The following CNTN1 variants were observed in gnomAD, a reference collection of about 807,000 sequenced individuals.
CNTN1 encodes the protein contactin 1, also known as contactin-1.
CNTN1 carries 38 observed loss-of-function variants against 126.4 expected under a neutral mutation model. The observed-to-expected ratio is 0.30, with a 90% CI of 0.23 to 0.39. The LOEUF is 0.39. Ranked by LOEUF, CNTN1 falls within the 10% of genes least tolerant of loss-of-function variation. The pLI, the probability that CNTN1 is intolerant of heterozygous loss-of-function variation, is 1.00. For missense variants in CNTN1, 1,009 were observed against 1,248.4 expected (o/e 0.81, Z 2.89); for synonymous variants, 413 against 422.6 (o/e 0.98, Z 0.28).
Position 40,906,669 on chromosome 12 carries a change from C to CTTTTTTTTTTTTTTTTTT in CNTN1, c.-76-1679_-76-1678insTTTTTTTTTTTTTTTTTT, listed in dbSNP as rs111442544. On this transcript the variant is annotated intron_variant, in intron 1 of 23. Transcript: ENST00000551295. ...TTTCCTTTTAAAATTGTTTTTCATG[C>CTTTTTTTTTTTTTTTTTT]TTTTTTTTTGTTTTGTTTTTTTTGA... 3.9e-4 allele frequency among the ~76,000 whole-genome samples: 42 copies of CTTTTTTTTTTTTTTTTTT among 107,190 alleles called. 3 individuals are homozygous for CTTTTTTTTTTTTTTTTTT. Among genetic ancestry groups the CTTTTTTTTTTTTTTTTTT allele is most frequent in the Admixed American group, 4.2e-4 (4 of 9,440 alleles). The allele number at this position is 107,190 out of a possible 152,430, so 70.3% of individuals were successfully genotyped here.
intron 1 of CNTN1, among the ~76,000 whole-genome samples, chr12:40,752,990 T>A (rs1364660149): frequency 6.6e-6 from 1 of 152,072 alleles, no homozygotes; most frequent in Non-Finnish European, 1.5e-5. Context: ...ATTACCAGAG[T>A]ATATGTCATT....
chr12:40,951,331 T>TAATTATCTTAGTAATCTTAGA (rs1946671109), intron 14 of CNTN1, among the ~76,000 whole-genome samples: 1 of 152,196 alleles, frequency 6.6e-6, no homozygotes, highest in Non-Finnish European at 1.5e-5. Context: ...ACACTCTTAG[T>TAATTATCTTAGTAATCTTAGA]AATTATCTTA....
chr12:41,003,849 A>T (rs1948424653), intron 17 of CNTN1, among the ~76,000 whole-genome samples: 1 of 151,602 alleles, frequency 6.6e-6, no homozygotes, highest in Admixed American at 6.6e-5. Flanking sequence ...TCTTTTCTTC[A>T]TTAGTCTAGT....
chr12:40,903,171 TGCA>T lies in CNTN1; in HGVS notation c.-76-5169_-76-5167del, dbSNP rs139251903. The stretch of plus-strand genomic sequence containing the variant: ...CACAGAGCTGCATGAGGTTGTGAGA[TGCA>T]GCAGCAGCAGCAGCAGTACCTGGCA... On this transcript the variant is annotated intron_variant, in intron 1 of 23. Transcript: ENST00000551295. Among the ~76,000 whole-genome samples, 646 of 151,932 alleles carry T rather than the reference TGCA, an allele frequency of 4.3e-3. 3 individuals carry two copies. The highest frequency in any genetic ancestry group is 0.015 in the African/African-American group (604 of 41,456).
intron 3 of CNTN1, among the ~76,000 whole-genome samples, chr12:40,911,202 T>C (rs1945016378): frequency 6.6e-6 from 1 of 152,124 alleles, no homozygotes; most frequent in African/African-American, 2.4e-5. Context: ...TGCCTCAGCC[T>C]CCCGAGTAGC....
At chr12:40,732,645 G>C (rs926545096) in intron 1 of CNTN1, among the ~76,000 whole-genome samples, 1 of 151,920 alleles carries the variant, frequency 6.6e-6, no homozygotes, top group Non-Finnish European at 1.5e-5. Context: ...ATCCATATTT[G>C]CTCAGAAATC....
At chr12:40,981,111 G>A in intron 16 of CNTN1, 44 bp downstream of exon 16, 4 of 1,603,402 alleles carry the variant, frequency 2.5e-6, no homozygotes, top group Non-Finnish European at 3.4e-6. Flanking sequence ...TTTTCAAAGT[G>A]AATTCTTTTC....
At chr12:41,020,250 A>G in intron 19 of CNTN1, 87 bp from the exon 20 acceptor site, 1 of 833,756 alleles carries the variant, frequency 1.2e-6, no homozygotes, top group Non-Finnish European at 2.0e-6. Context: ...AGTATGGTCC[A>G]ACATCATTCA....
At chr12:40,815,143 GATTCCATATGAA>G (rs1205944400) in intron 1 of CNTN1, among the ~76,000 whole-genome samples, 1 of 152,120 alleles carries the variant, frequency 6.6e-6, no homozygotes, top group Non-Finnish European at 1.5e-5. Flanking sequence ...GGTCTTCTTA[GATTCCATATGAA>G]ATTTAAAATA....
intron 1 of CNTN1, among the ~76,000 whole-genome samples, chr12:40,798,042 G>A (rs1333921030): frequency 2.0e-5 from 3 of 151,978 alleles, no homozygotes; most frequent in Non-Finnish European, 4.4e-5. Context: ...AATTTGGACT[G>A]GAGATGTAAG....
intron 1 of CNTN1, among the ~76,000 whole-genome samples, chr12:40,777,510 G>A (rs746996285): frequency 9.2e-5 from 14 of 151,672 alleles, no homozygotes; most frequent in Non-Finnish European, 1.2e-4. Context: ...CACAGGATGA[G>A]TACTATCACA....
At chr12:40,887,214 T>C (rs1435754577) in intron 1 of CNTN1, among the ~76,000 whole-genome samples, 1 of 152,092 alleles carries the variant, frequency 6.6e-6, no homozygotes, top group East Asian at 1.9e-4. Context: ...GGAATGTTCT[T>C]CCATTTGTTT....
At chr12:40,949,208 TTG>T (rs201352977) in intron 14 of CNTN1, among the ~76,000 whole-genome samples, 68,332 of 139,272 alleles carry the variant, frequency 0.49, 16,208 homozygotes, top group Admixed American at 0.56. Flanking sequence ...GTTTTTTTTT[TTG>T]TTTTTTTACA....
chr12:40,845,815 C>T (rs1035871113), intron 1 of CNTN1, among the ~76,000 whole-genome samples: 5 of 152,106 alleles, frequency 3.3e-5, no homozygotes, highest in African/African-American at 1.2e-4. Flanking sequence ...CCATAACTTG[C>T]CCTATGTATC....
In CNTN1 at chr12:40,933,507, T is replaced by C. The variant is rs752740643; in HGVS notation, c.750T>C (p.Asp250=). The change falls in exon 8 of 24, where the codon GAT becomes GAC. Residue 250 remains aspartate, a synonymous_variant. Transcript: ENST00000551295. ...CTGATATTGTAGTTCAGTTCAAGGA[T>C]GTATATGCATTGATGGGCCAAAATG... ...YPADIVVQFK[D]VYALMGQNVT... 1.2e-6 allele frequency: 2 copies of C among 1,611,994 alleles called. No homozygotes were observed. The highest frequency in any genetic ancestry group is 1.7e-6 in the Non-Finnish European group (2 of 1,178,556).
chr12:40,812,140 T>C (rs1941088783), intron 1 of CNTN1, among the ~76,000 whole-genome samples: 1 of 152,150 alleles, frequency 6.6e-6, no homozygotes, highest in Non-Finnish European at 1.5e-5. Flanking sequence ...TTTGATTTCT[T>C]TGACTCATTG....
intron 1 of CNTN1, among the ~76,000 whole-genome samples, chr12:40,781,821 T>G (rs1305107807): frequency 6.6e-6 from 1 of 152,072 alleles, no homozygotes; most frequent in Non-Finnish European, 1.5e-5. Flanking sequence ...TATTGATTTA[T>G]TTAACGCATG....
At chr12:40,758,349 A>G (rs913992539) in intron 1 of CNTN1, among the ~76,000 whole-genome samples, 9 of 151,850 alleles carry the variant, frequency 5.9e-5, no homozygotes, top group Admixed American at 5.9e-4. Flanking sequence ...AGGAGATTTG[A>G]AGAGAAATAT....
chr12:40,709,213 C>T (rs1280760811), intron 1 of CNTN1, among the ~76,000 whole-genome samples: 4 of 152,228 alleles, frequency 2.6e-5, no homozygotes, highest in African/African-American at 9.6e-5. Flanking sequence ...TCTCTTCATA[C>T]ATCTCCCCCA....
Sources: allele counts gnomAD v4.1 joint callset (sites outside exome capture counted in the v4.1 genomes callset), GRCh38; gene constraint gnomAD v4.1.1; transcripts MANE v1.5; gene names NCBI Gene and HGNC (gene_info 2026-07-23, HGNC 2026-07-21).